Variants in MGAT4C observed in about 807,000 individuals in gnomAD.
MGAT4C encodes alpha-1,3-mannosyl-glycoprotein 4-beta-N-acetylglucosaminyltransferase C.
In MGAT4C, 19 loss-of-function variants were observed where a neutral mutation model predicts 40.1. The observed-to-expected ratio is 0.47, with a 90% CI of 0.33 to 0.70. MGAT4C has a LOEUF of 0.70. MGAT4C is among the 30% of genes least tolerant of loss of function. The probability of loss-of-function intolerance (pLI) is 0.02; values close to 1 mark genes in which losing one functional copy is unlikely to be tolerated. For missense variants in MGAT4C, 491 were observed against 563.2 expected (o/e 0.87, Z 1.30); for synonymous variants, 181 against 187.1 (o/e 0.97, Z 0.27).
chr12:86,482,311 T>C (rs917134097), intron 2 of MGAT4C, among the ~76,000 whole-genome samples: 3 of 152,232 alleles, frequency 2.0e-5, no homozygotes, highest in South Asian at 2.1e-4. Context: ...TTTATAGATA[T>C]CACATTTTAG....
At chr12:86,402,078 G>T (rs1323783935) in intron 3 of MGAT4C, among the ~76,000 whole-genome samples, 1 of 151,768 alleles carries the variant, frequency 6.6e-6, no homozygotes, top group East Asian at 1.9e-4. Context: ...AAAAATCTTT[G>T]CCCTTTAAGG....
chr12:86,078,041 C>A (rs760317272), intron 1 of MGAT4C, among the ~76,000 whole-genome samples: 1 of 152,078 alleles, frequency 6.6e-6, no homozygotes, highest in Admixed American at 6.5e-5. Flanking sequence ...CATAATGTTG[C>A]GGGAACAGGA....
rs1215701652 is a variant in MGAT4C at position 85,962,763 on chromosome 12, C to T, written c.*16526G>A. Reference sequence around the variant, plus strand: ...TTATTAATCCCAAGATATTTTATTTCATTATATAAATGAAATATTTTATCT... The same window carrying T: ...TTATTAATCCCAAGATATTTTATTTTATTATATAAATGAAATATTTTATCT... On this transcript the variant is annotated 3_prime_UTR_variant, in exon 5 of 5. Coordinates refer to ENST00000611864, the MANE Select transcript of MGAT4C (RefSeq NM_001351288.2). 6.6e-6 allele frequency: 1 copy of T among 151,004 alleles called. No homozygotes were observed. The highest frequency in any genetic ancestry group is 2.4e-5 in the African/African-American group (1 of 41,296). The allele number at this position is 151,004 out of a possible 1,614,324, so 9.4% of individuals were successfully genotyped here.
intron 1 of MGAT4C, among the ~76,000 whole-genome samples, chr12:86,208,099 C>A (rs904720767): frequency 5.9e-5 from 9 of 152,120 alleles, no homozygotes; most frequent in Admixed American, 2.6e-4. Context: ...CCCTGTCATC[C>A]CAACCCTTAT....
intron 1 of MGAT4C, among the ~76,000 whole-genome samples, chr12:86,118,096 T>G (rs1878729774): frequency 6.6e-6 from 1 of 152,216 alleles, no homozygotes; most frequent in African/African-American, 2.4e-5. Flanking sequence ...AAGAAAATGT[T>G]GCAGAATTAT....
At chr12:86,277,139 A>T (rs1953097625) in intron 4 of MGAT4C, among the ~76,000 whole-genome samples, 1 of 152,118 alleles carries the variant, frequency 6.6e-6, no homozygotes, top group Admixed American at 6.6e-5. Flanking sequence ...CTGGAGCAAG[A>T]TGATATCTCA....
intron 1 of MGAT4C, among the ~76,000 whole-genome samples, chr12:86,157,432 A>C (rs1044853471): frequency 1.3e-5 from 2 of 152,180 alleles, no homozygotes; most frequent in African/African-American, 4.8e-5. Context: ...TATGTAATGC[A>C]AATTAAATGT....
intron 2 of MGAT4C, among the ~76,000 whole-genome samples, chr12:86,447,476 C>A (rs189516924): frequency 8.7e-4 from 133 of 152,180 alleles, no homozygotes; most frequent in East Asian, 7.7e-4. Context: ...CAAGTAACAA[C>A]AATTGTGTCA....
intron 1 of MGAT4C, among the ~76,000 whole-genome samples, chr12:86,249,249 T>C (rs1952166527): frequency 6.6e-6 from 1 of 152,148 alleles, no homozygotes; most frequent in South Asian, 2.1e-4. Flanking sequence ...CAGAAACTCT[T>C]TCCCAAACTC....
intron 1 of MGAT4C, among the ~76,000 whole-genome samples, chr12:86,173,092 G>A (rs1411996914): frequency 6.6e-6 from 1 of 152,082 alleles, no homozygotes; most frequent in Admixed American, 6.6e-5. Flanking sequence ...GAGACTTCCA[G>A]TTCAGGCTGG....
Position 86,454,257 on chromosome 12 carries a change from T to C in MGAT4C, c.-228-18992A>G, listed in dbSNP as rs1243231795. Among the ~76,000 whole-genome samples, 3 of 152,232 alleles carry C rather than the reference T, an allele frequency of 2.0e-5. No homozygotes were observed. In the East Asian group the frequency reaches 5.8e-4, roughly 29 times the overall value. ...CATCCTTTTTTTTTAAGACAGGGTC[T>C]CACCCTGTTGTCCAGGCTGGAATGC... On this transcript the variant is annotated intron_variant, in intron 2 of 7. Coordinates refer to the MGAT4C transcript ENST00000548651.
chr12:86,715,584 A>C (rs963137695), intron 2 of MGAT4C, among the ~76,000 whole-genome samples: 2 of 152,150 alleles, frequency 1.3e-5, no homozygotes, highest in African/African-American at 2.4e-5. Context: ...ATCACAGAAC[A>C]AAAAAATTTA....
intron 1 of MGAT4C, among the ~76,000 whole-genome samples, chr12:86,822,789 G>T (rs941907806): frequency 3.3e-5 from 5 of 151,000 alleles, no homozygotes; most frequent in African/African-American, 1.2e-4. Flanking sequence ...TAGATGACTT[G>T]AACAACACTA....
At chr12:86,439,260 A>G (rs1957187558) in intron 2 of MGAT4C, among the ~76,000 whole-genome samples, 2 of 152,174 alleles carry the variant, frequency 1.3e-5, no homozygotes, top group South Asian at 4.1e-4. Flanking sequence ...TAAAAACTTG[A>G]AACAATATCA....
In MGAT4C at chr12:85,955,996, C is replaced by T. The variant is rs988064440; in HGVS notation, c.*23293G>A. 1 of 152,088 alleles carries T rather than the reference C, an allele frequency of 6.6e-6. No homozygotes were observed. The highest frequency in any genetic ancestry group is 2.4e-5 in the African/African-American group (1 of 41,446). The allele number at this position is 152,088 out of a possible 1,614,324, so 9.4% of individuals were successfully genotyped here. A position where few individuals can be genotyped will look rare whatever the true frequency, so the allele number is the denominator to read the frequency against. On this transcript the variant is annotated 3_prime_UTR_variant, in exon 5 of 5. Transcript: ENST00000611864. ...TTGGTATTTTTGATGAAATTAAGTC[C>T]ATGAATACATATAGTAAAATGTAGA...
At chr12:86,806,274 T>C (rs906292232) in intron 1 of MGAT4C, among the ~76,000 whole-genome samples, 1 of 152,106 alleles carries the variant, frequency 6.6e-6, no homozygotes, top group Non-Finnish European at 1.5e-5. Flanking sequence ...TAGTTTCAAA[T>C]GCTACTATAA....
intron 1 of MGAT4C, among the ~76,000 whole-genome samples, chr12:86,125,669 T>C (rs1880117802): frequency 6.6e-6 from 1 of 152,160 alleles, no homozygotes; most frequent in Non-Finnish European, 1.5e-5. Flanking sequence ...GGAGGGCATT[T>C]TAGAAAATGT....
chr12:86,553,699 G>A (rs959060391), intron 2 of MGAT4C, among the ~76,000 whole-genome samples: 1 of 152,002 alleles, frequency 6.6e-6, no homozygotes, highest in East Asian at 1.9e-4. Flanking sequence ...TTCCCATATA[G>A]CACAAAGACT....
chr12:86,666,023 T>C lies in MGAT4C; in HGVS notation c.-229+61186A>G, dbSNP rs565980291. On this transcript the variant is annotated intron_variant, in intron 2 of 7. Transcript: ENST00000548651. ...ACTACATTTTTTAAAGGCATATTGT[T>C]CAAAATTGTCTTCCTTTTTCACTTG... 3.3e-5 allele frequency among the ~76,000 whole-genome samples: 5 copies of C among 152,308 alleles called. No homozygotes were observed. The South Asian group carries it at 8.3e-4, about 25-fold the overall frequency.
Sources: allele counts gnomAD v4.1 joint callset (sites outside exome capture counted in the v4.1 genomes callset), GRCh38; gene constraint gnomAD v4.1.1; transcripts MANE v1.5; gene names NCBI Gene and HGNC (gene_info 2026-07-23, HGNC 2026-07-21).